The following BRINP2 variants were observed in gnomAD, a reference collection of about 807,000 sequenced individuals.
BRINP2 encodes the protein BMP/retinoic acid inducible neural specific 2.
Under a neutral mutation model 69.2 loss-of-function variants are expected in BRINP2, and 21 were observed. The ratio of observed to expected loss-of-function variants is 0.30; its 90% CI spans 0.22 to 0.44. The LOEUF (loss-of-function observed/expected upper bound fraction) is 0.44. BRINP2 is among the 20% of genes least tolerant of loss of function. BRINP2 has a pLI of 1.00. For synonymous variants in BRINP2, 380 were observed against 394.1 expected (o/e 0.96, Z 0.42); for missense variants, 877 against 986.0 (o/e 0.89, Z 1.48).
chr1:177,280,895 G>A lies in BRINP2; in HGVS notation c.1719G>A (p.Gln573=). 1 of 1,614,222 alleles carries A rather than the reference G, an allele frequency of 6.2e-7. No individual in the cohort carries two copies. The highest frequency in any genetic ancestry group is 8.5e-7 in the Non-Finnish European group (1 of 1,180,040). ...LVHVMLALSL[Q]ICLTKNSTLE... ...ACGTGATGTTGGCCTTGTCCTTGCAGATCTGTCTCACCAAGAACAGCACCC... is the reference window on the plus strand; with the variant it reads ...ACGTGATGTTGGCCTTGTCCTTGCAAATCTGTCTCACCAAGAACAGCACCC... Residue 573 remains glutamine, a synonymous_variant, in exon 8 of 8, where the codon CAG becomes CAA. Transcript: ENST00000361539.
In BRINP2 at chr1:177,171,522, G is replaced by C. The variant is rs922869315; in HGVS notation, c.-287G>C. The C allele has an allele frequency of 1.3e-5, 2 of 155,824 alleles. No homozygotes were observed. Among genetic ancestry groups the C allele is most frequent in the Non-Finnish European group, 2.8e-5 (2 of 70,316 alleles). The allele number at this position is 155,824 out of a possible 1,614,324, so 9.7% of individuals were successfully genotyped here. On this transcript the variant is annotated 5_prime_UTR_variant, in exon 1 of 8. Coordinates refer to ENST00000361539, the MANE Select transcript of BRINP2 (RefSeq NM_021165.4). ...AGCGGGGAGCAAGAGAATTTGAAAAGAGACATCCGCTCCCTCTCACACGCT... is the reference window on the plus strand; with the variant it reads ...AGCGGGGAGCAAGAGAATTTGAAAACAGACATCCGCTCCCTCTCACACGCT...
intron 1 of BRINP2, among the ~76,000 whole-genome samples, chr1:177,202,070 C>T (rs1334353467): frequency 6.6e-6 from 1 of 152,068 alleles, no homozygotes; most frequent in African/African-American, 2.4e-5. Flanking sequence ...TTTTTTATTG[C>T]ATCTATTTGA....
chr1:177,245,251 G>GTTTCCA (rs1331779506), intron 2 of BRINP2, among the ~76,000 whole-genome samples: 1 of 151,818 alleles, frequency 6.6e-6, no homozygotes, highest in East Asian at 1.9e-4. Flanking sequence ...TTCAATTTTG[G>GTTTCCA]TTTCCATCTT....
intron 4 of BRINP2, among the ~76,000 whole-genome samples, chr1:177,264,326 T>C (rs1651054932): frequency 6.6e-6 from 1 of 152,162 alleles, no homozygotes; most frequent in Non-Finnish European, 1.5e-5. Flanking sequence ...ATAACAGCTA[T>C]TTATGACAAA....
chr1:177,172,157 G>A (rs1042912595), intron 1 of BRINP2, among the ~76,000 whole-genome samples: 1 of 152,224 alleles, frequency 6.6e-6, no homozygotes, highest in South Asian at 2.1e-4. Context: ...AAGAGCTGAG[G>A]TTACAATGCA....
At chr1:177,206,975 A>T (rs148449550) in intron 1 of BRINP2, among the ~76,000 whole-genome samples, 1 of 152,222 alleles carries the variant, frequency 6.6e-6, no homozygotes, top group Non-Finnish European at 1.5e-5. Context: ...AGAGGAAAAC[A>T]TAACAACCAC....
chr1:177,210,781 T>C (rs1372026787), intron 1 of BRINP2, among the ~76,000 whole-genome samples: 2 of 151,712 alleles, frequency 1.3e-5, no homozygotes, highest in Non-Finnish European at 1.5e-5. Flanking sequence ...CGATGAAAAA[T>C]TATTATCTAA....
chr1:177,196,881 G>A (rs535853328), intron 1 of BRINP2, among the ~76,000 whole-genome samples: 1 of 152,180 alleles, frequency 6.6e-6, no homozygotes, highest in South Asian at 2.1e-4. Context: ...CTTAACGTCT[G>A]TGCTGAAAAG....
chr1:177,243,426 A>G (rs561352306), intron 2 of BRINP2, among the ~76,000 whole-genome samples: 1 of 152,328 alleles, frequency 6.6e-6, no homozygotes, highest in East Asian at 1.9e-4. Flanking sequence ...ATAAAAGACA[A>G]GGCCTCAAGA....
chr1:177,267,626 CAT>C (rs1457922240), intron 4 of BRINP2, among the ~76,000 whole-genome samples: 1 of 152,070 alleles, frequency 6.6e-6, no homozygotes, highest in East Asian at 1.9e-4. Flanking sequence ...CTTTCAGTAT[CAT>C]AGTTTTCAAT....
chr1:177,220,396 G>A (rs1304382702), intron 1 of BRINP2, among the ~76,000 whole-genome samples: 1 of 152,122 alleles, frequency 6.6e-6, no homozygotes, highest in Non-Finnish European at 1.5e-5. Context: ...CTCTCACTCT[G>A]AGTTCACGCC....
chr1:177,206,848 A>G (rs1188817033), intron 1 of BRINP2, among the ~76,000 whole-genome samples: 1 of 152,224 alleles, frequency 6.6e-6, no homozygotes, highest in Non-Finnish European at 1.5e-5. Context: ...ATGGAAAGTT[A>G]GTCCATCTAT....
chr1:177,237,847 G>A (rs1025356076), intron 2 of BRINP2, among the ~76,000 whole-genome samples: 2 of 152,202 alleles, frequency 1.3e-5, no homozygotes, highest in African/African-American at 2.4e-5. Flanking sequence ...GGTGCAGGCC[G>A]ACAGGGACGC....
intron 1 of BRINP2, among the ~76,000 whole-genome samples, chr1:177,222,337 C>T (rs1218436916): frequency 4.0e-5 from 6 of 151,736 alleles, no homozygotes; most frequent in South Asian, 2.1e-4. Context: ...TTCGAGATGG[C>T]GTCTCACTCT....
In BRINP2 at chr1:177,180,902, T is replaced by C. The variant is rs991701237; in HGVS notation, c.-77+9170T>C. Among the ~76,000 whole-genome samples the C allele has an allele frequency of 3.3e-5, 5 of 152,310 alleles. No homozygotes were observed. The East Asian group carries it at 9.7e-4, about 29-fold the overall frequency. On this transcript the variant is annotated intron_variant, in intron 1 of 7. Transcript: ENST00000361539. ...CGAAGTTCTGTGAGACTAGGACCAA[T>C]CATTGTTGTTCTCCCTCGTTCTCAG...
At chr1:177,276,080 T>A (rs1571949402) in intron 5 of BRINP2, 118 bp from the exon 6 acceptor site, 1 of 943,718 alleles carries the variant, frequency 1.1e-6, no homozygotes, top group South Asian at 1.5e-5. Context: ...GTGCCCATGC[T>A]TGGGCCCAGG....
At chr1:177,201,430 C>A (rs1214183279) in intron 1 of BRINP2, among the ~76,000 whole-genome samples, 5 of 152,066 alleles carry the variant, frequency 3.3e-5, no homozygotes, top group Non-Finnish European at 7.4e-5. Context: ...CTCTTGAGGC[C>A]CAAAAATGAG....
intron 1 of BRINP2, among the ~76,000 whole-genome samples, chr1:177,193,228 C>T (rs187809529): frequency 9.2e-5 from 14 of 152,266 alleles, no homozygotes; most frequent in East Asian, 3.9e-4. Flanking sequence ...TCAGAAGCCA[C>T]GAGCATGTGA....
At chr1:177,190,510 C>G (rs1469927874) in intron 1 of BRINP2, among the ~76,000 whole-genome samples, 1 of 152,194 alleles carries the variant, frequency 6.6e-6, no homozygotes, top group Non-Finnish European at 1.5e-5. Flanking sequence ...CCAAAACAGC[C>G]CACATACCAT....
Sources: gnomAD v4.1 joint callset for allele counts (sites outside exome capture counted in the v4.1 genomes callset) on GRCh38, gnomAD v4.1.1 for gene constraint, MANE v1.5 for transcripts, NCBI Gene and HGNC (gene_info 2026-07-23, HGNC 2026-07-21) for gene names.